The following MAPK8 variants were observed in gnomAD, a reference collection of about 807,000 sequenced individuals.
The protein encoded by MAPK8 is JUN N-terminal kinase.
MAPK8 carries 13 observed loss-of-function variants against 52.9 expected under a neutral mutation model. The ratio of observed to expected loss-of-function variants is 0.25; its 90% CI spans 0.16 to 0.39. MAPK8 has a LOEUF of 0.39. Among genes scored for constraint, MAPK8 ranks in the 10% least tolerant of loss-of-function variants. The pLI, the probability that MAPK8 is intolerant of heterozygous loss-of-function variation, is 1.00. For missense variants in MAPK8, 300 were observed against 519.2 expected (o/e 0.58, Z 4.10); for synonymous variants, 191 against 169.8 (o/e 1.12, Z -0.97).
intron 1 of MAPK8, among the ~76,000 whole-genome samples, chr10:48,314,500 C>T (rs1431688201): frequency 3.9e-5 from 6 of 152,284 alleles, no homozygotes; most frequent in African/African-American, 1.2e-4. Flanking sequence ...AGCCATGGTG[C>T]AGTGGATTAC....
At chr10:48,391,023 A>C (rs564686590) in intron 1 of MAPK8, among the ~76,000 whole-genome samples, 15 of 152,344 alleles carry the variant, frequency 9.8e-5, no homozygotes, top group African/African-American at 3.6e-4. Context: ...TATGAAGATC[A>C]CATTTAAGCT....
intron 5 of MAPK8, among the ~76,000 whole-genome samples, chr10:48,418,854 A>G (rs2043200563): frequency 6.6e-6 from 1 of 152,182 alleles, no homozygotes; most frequent in Non-Finnish European, 1.5e-5. Flanking sequence ...TTTTTTCACA[A>G]TGAAGTGCTT....
chr10:48,401,724 G>A lies in MAPK8; in HGVS notation c.64G>A (p.Val22Ile), dbSNP rs370411166. 5 of 1,587,760 alleles carry A rather than the reference G, an allele frequency of 3.1e-6. No homozygotes were observed. Among genetic ancestry groups the A allele is most frequent in the Non-Finnish European group, 4.3e-6 (5 of 1,170,704 alleles). Reference sequence around the variant, plus strand: ...AGAGATTGGAGATTCTACATTCACAGTCCTGAAACGATATCAGAATTTAAA... The same window carrying A: ...AGAGATTGGAGATTCTACATTCACAATCCTGAAACGATATCAGAATTTAAA... ...SVEIGDSTFT[V>I]LKRYQNLKPI... The change falls in exon 2 of 12, where the codon GTC (valine) becomes ATC (isoleucine). Residue 22 changes from valine (V) to isoleucine (I), a missense_variant. Physicochemically the swap from Val to Ile is conservative, Grantham distance 29. Transcript: ENST00000374189.
At chr10:48,404,797 G>A in intron 2 of MAPK8, 55 bp from the exon 3 acceptor site, 1 of 1,439,520 alleles carries the variant, frequency 6.9e-7, no homozygotes, top group Non-Finnish European at 9.6e-7. Flanking sequence ...CATGAATTCA[G>A]TTTACAGATT....
chr10:48,383,691 G>GA (rs926707892), intron 1 of MAPK8, among the ~76,000 whole-genome samples: 31 of 148,534 alleles, frequency 2.1e-4, no homozygotes, highest in African/African-American at 4.7e-4. Context: ...TCCTGGTTTT[G>GA]AAAAAAAAAA....
intron 5 of MAPK8, among the ~76,000 whole-genome samples, chr10:48,410,833 G>A (rs1429365332): frequency 6.6e-6 from 1 of 152,122 alleles, no homozygotes; most frequent in Non-Finnish European, 1.5e-5. Context: ...TAATGGGTAC[G>A]AAGTGGTGTT....
chr10:48,322,670 A>G (rs974362320), intron 1 of MAPK8, among the ~76,000 whole-genome samples: 4 of 152,122 alleles, frequency 2.6e-5, no homozygotes, highest in African/African-American at 7.2e-5. Flanking sequence ...CTTAACTCCA[A>G]TATTTAATCC....
rs1429252187 is a variant in MAPK8, at chr10:48,382,936, A to G, written c.-49-18676A>G. On this transcript the variant is annotated intron_variant, in intron 1 of 11. Coordinates refer to ENST00000374189, the MANE Select transcript of MAPK8 (RefSeq NM_001323329.2). ...TATATATATGTATATATATATAGCT[A>G]TGTGTATATATATATGTATATATAT... 1.9e-4 allele frequency among the ~76,000 whole-genome samples: 8 copies of G among 42,992 alleles called. No homozygotes were observed. The East Asian group carries it at 7.4e-3, about 40-fold the overall frequency. 28.2% of individuals were successfully genotyped at this position (42,992 alleles called of 152,430 possible).
At chr10:48,425,577 C>A in intron 7 of MAPK8, 1 of 324,588 alleles carries the variant, frequency 3.1e-6, no homozygotes, top group Admixed American at 4.5e-5. Flanking sequence ...CAGTTAGAGC[C>A]ACTATGGATA....
intron 5 of MAPK8, among the ~76,000 whole-genome samples, chr10:48,414,873 T>C (rs985568491): frequency 6.6e-6 from 1 of 152,134 alleles, no homozygotes; most frequent in Non-Finnish European, 1.5e-5. Context: ...TGAGCCATCA[T>C]GCCCAGCCTG....
At position 48,407,049 on chromosome 10, in the gene MAPK8, G is replaced by A. The variant is rs77551945; in HGVS notation, c.252+2068G>A. 9.2e-5 allele frequency among the ~76,000 whole-genome samples: 14 copies of A among 152,290 alleles called. 1 individual carries two copies. In the East Asian group the frequency reaches 2.7e-3, roughly 29 times the overall value. On this transcript the variant is annotated intron_variant, in intron 3 of 11. Coordinates refer to ENST00000374189, the MANE Select transcript of MAPK8 (RefSeq NM_001323329.2). The stretch of plus-strand genomic sequence containing the variant: ...TTTTGATTATGGAGAATTAAGTATA[G>A]TACTTCATGTTTCTCCCTATTAAAT...
intron 1 of MAPK8, among the ~76,000 whole-genome samples, chr10:48,345,556 C>T (rs1416375989): frequency 6.6e-6 from 1 of 152,188 alleles, no homozygotes; most frequent in Non-Finnish European, 1.5e-5. Flanking sequence ...ACGTAAACTT[C>T]TAAGTGATAT....
At chr10:48,334,576 AAC>A (rs1317474230) in intron 1 of MAPK8, among the ~76,000 whole-genome samples, 1 of 152,132 alleles carries the variant, frequency 6.6e-6, no homozygotes, top group African/African-American at 2.4e-5. Flanking sequence ...CCTCCTGAAT[AAC>A]AGTCTCAGGT....
intron 1 of MAPK8, among the ~76,000 whole-genome samples, chr10:48,319,212 T>C (rs1467012190): frequency 2.6e-5 from 4 of 152,226 alleles, no homozygotes; most frequent in Non-Finnish European, 5.9e-5. Flanking sequence ...TCATGTGTAA[T>C]AAGGGACTAA....
At chr10:48,422,630 GAGA>G (rs1359108729) in intron 6 of MAPK8, among the ~76,000 whole-genome samples, 2 of 152,106 alleles carry the variant, frequency 1.3e-5, no homozygotes, top group African/African-American at 2.4e-5. Context: ...AAAATCTGTA[GAGA>G]AGATTTATTC....
chr10:48,347,010 G>A (rs539653041), intron 1 of MAPK8, among the ~76,000 whole-genome samples: 10 of 152,240 alleles, frequency 6.6e-5, no homozygotes, highest in South Asian at 2.1e-4. Flanking sequence ...GGCCACTACC[G>A]GTCTCCGCGC....
intron 1 of MAPK8, among the ~76,000 whole-genome samples, chr10:48,343,404 G>A (rs1001852390): frequency 2.0e-5 from 3 of 152,088 alleles, no homozygotes; most frequent in African/African-American, 7.2e-5. Flanking sequence ...GACATTTAGG[G>A]CCCACAAGAT....
At chr10:48,356,227 C>T (rs936694639) in intron 1 of MAPK8, among the ~76,000 whole-genome samples, 6 of 152,058 alleles carry the variant, frequency 3.9e-5, no homozygotes, top group African/African-American at 1.2e-4. Context: ...AATGATAGCA[C>T]GTAAGTCAGA....
intron 1 of MAPK8, among the ~76,000 whole-genome samples, chr10:48,346,553 G>A (rs1355136329): frequency 2.6e-5 from 4 of 152,282 alleles, no homozygotes; most frequent in East Asian, 3.9e-4. Context: ...GGAAGCAGGG[G>A]GGAGGGTCTC....
Sources: gnomAD v4.1 joint callset for allele counts (sites outside exome capture counted in the v4.1 genomes callset) on GRCh38, gnomAD v4.1.1 for gene constraint, MANE v1.5 for transcripts, NCBI Gene and HGNC (gene_info 2026-07-23, HGNC 2026-07-21) for gene names.